SLC8A1: variants seen among roughly 807,000 people sequenced by gnomAD.
SLC8A1 encodes sodium/calcium exchanger 1.
Under a neutral mutation model 68.3 loss-of-function variants are expected in SLC8A1, and 18 were observed. That is an observed-to-expected ratio of 0.26 (90% CI 0.18 to 0.39). The LOEUF (loss-of-function observed/expected upper bound fraction) is 0.39, where lower values mean the gene tolerates loss of function less well. Ranked by LOEUF, SLC8A1 falls within the 10% of genes least tolerant of loss-of-function variation. SLC8A1 has a pLI of 1.00. For synonymous variants in SLC8A1, 475 were observed against 415.5 expected, an observed-to-expected ratio of 1.14 and a Z score of -1.74; for missense variants, 985 against 1,156.7, an observed-to-expected ratio of 0.85 and a Z score of 2.15.
intron 2 of SLC8A1, among the ~76,000 whole-genome samples, chr2:40,312,248 G>C (rs574137055): frequency 1.6e-4 from 25 of 152,202 alleles, no homozygotes; most frequent in African/African-American, 5.5e-4. Context: ...AATGGACTTT[G>C]AATCACCTTC....
chr2:40,264,525 A>G (rs2065110556), intron 2 of SLC8A1, among the ~76,000 whole-genome samples: 1 of 152,212 alleles, frequency 6.6e-6, no homozygotes, highest in Non-Finnish European at 1.5e-5. Flanking sequence ...CAGCCATAAA[A>G]AATGATGAGT....
intron 2 of SLC8A1, among the ~76,000 whole-genome samples, chr2:40,395,493 T>C (rs961748257): frequency 9.2e-5 from 14 of 152,108 alleles, no homozygotes; most frequent in Non-Finnish European, 1.9e-4. Flanking sequence ...ATCCGAAGGC[T>C]ACCCTGCTTG....
chr2:40,184,118 G>A (rs139145584), intron 2 of SLC8A1, among the ~76,000 whole-genome samples: 4,111 of 152,260 alleles, frequency 0.027, 209 homozygotes, highest in African/African-American at 0.093. Flanking sequence ...TGAGGCTGCA[G>A]TGAGATGTGA....
intron 2 of SLC8A1, among the ~76,000 whole-genome samples, chr2:40,383,012 T>C (rs1682399783): frequency 6.6e-6 from 1 of 152,136 alleles, no homozygotes; most frequent in South Asian, 2.1e-4. Context: ...ATTGTTGACA[T>C]ATAAATGTGG....
chr2:40,350,620 A>AAAAAAAAAAG (rs1559348315), intron 2 of SLC8A1, among the ~76,000 whole-genome samples: 1 of 128,438 alleles, frequency 7.8e-6, no homozygotes, highest in Non-Finnish European at 1.6e-5. Context: ...AAAAAAAAAA[A>AAAAAAAAAAG]GGCATTTCCA....
At chr2:40,323,437 C>T (rs759068742) in intron 2 of SLC8A1, among the ~76,000 whole-genome samples, 1 of 152,130 alleles carries the variant, frequency 6.6e-6, no homozygotes, top group Non-Finnish European at 1.5e-5. Flanking sequence ...ATTTCCTTAG[C>T]TAAAAATAAC....
intron 1 of SLC8A1, among the ~76,000 whole-genome samples, chr2:40,446,165 C>A (rs1701409951): frequency 6.6e-6 from 1 of 152,202 alleles, no homozygotes. Flanking sequence ...GAAACAGAAT[C>A]ATCACCTTTA....
At chr2:40,244,728 G>A (rs1343904003) in intron 2 of SLC8A1, among the ~76,000 whole-genome samples, 1 of 152,138 alleles carries the variant, frequency 6.6e-6, no homozygotes, top group Non-Finnish European at 1.5e-5. Context: ...CTTTAGCTCT[G>A]CAAGAAGTGC....
intron 2 of SLC8A1, among the ~76,000 whole-genome samples, chr2:40,323,134 A>G (rs2075402177): frequency 6.6e-6 from 1 of 152,190 alleles, no homozygotes; most frequent in African/African-American, 2.4e-5. Flanking sequence ...CACATAGGCA[A>G]CTATAATGCT....
chr2:40,435,229 T>G (rs1183559805), intron 1 of SLC8A1, among the ~76,000 whole-genome samples: 1 of 152,166 alleles, frequency 6.6e-6, no homozygotes, highest in East Asian at 1.9e-4. Context: ...TTAATCTGTT[T>G]CTAAGGCAAC....
chr2:40,435,651 G>A (rs1166928967), intron 1 of SLC8A1, among the ~76,000 whole-genome samples: 2 of 152,118 alleles, frequency 1.3e-5, no homozygotes, highest in Non-Finnish European at 2.9e-5. Flanking sequence ...TAGGGTGAAG[G>A]TAGGCAATGT....
intron 2 of SLC8A1, among the ~76,000 whole-genome samples, chr2:40,274,674 T>A (rs552211524): frequency 4.1e-4 from 63 of 152,334 alleles, no homozygotes; most frequent in African/African-American, 1.4e-3. Context: ...GAAAATTCAT[T>A]TAACTGCTGA....
intron 2 of SLC8A1, among the ~76,000 whole-genome samples, chr2:40,258,930 TA>T (rs34217103): frequency 0.22 from 30,168 of 136,478 alleles, 3,154 homozygotes; most frequent in Admixed American, 0.33. Context: ...AGAAAGAAAA[TA>T]AAAAAAAAAA....
intron 2 of SLC8A1, among the ~76,000 whole-genome samples, chr2:40,374,794 A>C (rs552333069): frequency 2.6e-5 from 4 of 152,158 alleles, no homozygotes; most frequent in African/African-American, 9.6e-5. Flanking sequence ...GGTGATAATA[A>C]ACCATTTCAA....
At chr2:40,137,882 C>A (rs927000866) in intron 7 of SLC8A1, among the ~76,000 whole-genome samples, 3 of 152,064 alleles carry the variant, frequency 2.0e-5, no homozygotes, top group Non-Finnish European at 4.4e-5. Flanking sequence ...TTAATCAGAA[C>A]CCCCAGGCAG....
chr2:40,401,716 G>A (rs537484946), intron 2 of SLC8A1, among the ~76,000 whole-genome samples: 270 of 150,980 alleles, frequency 1.8e-3, no homozygotes, highest in African/African-American at 6.1e-3. Flanking sequence ...GTAAGATTTT[G>A]CTAACTGAAT....
intron 2 of SLC8A1, among the ~76,000 whole-genome samples, chr2:40,399,152 C>G (rs766841728): frequency 3.0e-4 from 45 of 152,218 alleles, no homozygotes; most frequent in Admixed American, 5.9e-4. Context: ...ACCTGATTCC[C>G]ACTGATTTAG....
intron 2 of SLC8A1, among the ~76,000 whole-genome samples, chr2:40,415,089 T>A (rs569385760): frequency 6.6e-6 from 1 of 152,230 alleles, no homozygotes; most frequent in African/African-American, 2.4e-5. Flanking sequence ...AGAAGACTGA[T>A]AAGGATAGCC....
intron 5 of SLC8A1, among the ~76,000 whole-genome samples, chr2:40,163,045 G>T (rs1382391667): frequency 1.3e-5 from 2 of 152,160 alleles, no homozygotes; most frequent in African/African-American, 4.8e-5. Flanking sequence ...TGCCTTGTAG[G>T]TATTAATGGT....
Sources: allele counts gnomAD v4.1 joint callset (sites outside exome capture counted in the v4.1 genomes callset), GRCh38; gene constraint gnomAD v4.1.1; transcripts MANE v1.5; gene names NCBI Gene and HGNC (gene_info 2026-07-23, HGNC 2026-07-21).